Variants in ARG2 observed in about 807,000 individuals in gnomAD.
ARG2 encodes arginase-2, mitochondrial.
In ARG2, 21 loss-of-function variants were observed where a neutral mutation model predicts 39.4. The ratio of observed to expected loss-of-function variants is 0.53; its 90% CI spans 0.38 to 0.77. The LOEUF (loss-of-function observed/expected upper bound fraction) is 0.77. Among genes scored for constraint, ARG2 ranks in the 30% least tolerant of loss-of-function variants. The pLI, the probability that ARG2 is intolerant of heterozygous loss-of-function variation, is 0.00. For missense variants in ARG2, 378 were observed against 426.2 expected (o/e 0.89, Z 1.00); for synonymous variants, 150 against 156.7 (o/e 0.96, Z 0.32).
intron 2 of ARG2, among the ~76,000 whole-genome samples, chr14:67,639,937 A>AAG (rs2037013069): frequency 6.6e-6 from 1 of 151,014 alleles, no homozygotes; most frequent in Admixed American, 6.6e-5. Context: ...AAAAAAAAAA[A>AAG]AAAAAAAAAA....
chr14:67,645,323 T>C (rs961953192), intron 3 of ARG2, among the ~76,000 whole-genome samples: 2 of 152,176 alleles, frequency 1.3e-5, no homozygotes, highest in African/African-American at 4.8e-5. Flanking sequence ...TTAACTTGAT[T>C]TCATTCATTG....
chr14:67,637,505 T>TAA (rs751382604), intron 2 of ARG2, among the ~76,000 whole-genome samples: 1 of 150,400 alleles, frequency 6.6e-6, no homozygotes, highest in Non-Finnish European at 1.5e-5. Flanking sequence ...TCACTCCTCT[T>TAA]AAAAAAAAAC....
chr14:67,641,729 C>G (rs1018669182), intron 2 of ARG2, among the ~76,000 whole-genome samples: 2 of 152,100 alleles, frequency 1.3e-5, no homozygotes, highest in African/African-American at 4.8e-5. Context: ...CAGTTGAGGT[C>G]AGAAGTTTGA....
intron 3 of ARG2, among the ~76,000 whole-genome samples, chr14:67,645,439 C>A (rs2037085097): frequency 6.6e-6 from 1 of 152,152 alleles, no homozygotes; most frequent in Non-Finnish European, 1.5e-5. Flanking sequence ...TAGCAAGTCA[C>A]CAGCTTCGAA....
chr14:67,627,490 C>T (rs2036880247), intron 2 of ARG2, among the ~76,000 whole-genome samples: 1 of 152,068 alleles, frequency 6.6e-6, no homozygotes, highest in Non-Finnish European at 1.5e-5. Flanking sequence ...ATGAAACTGG[C>T]ATCTCTGAGG....
chr14:67,626,808 A>C (rs2036871257), intron 2 of ARG2, among the ~76,000 whole-genome samples: 2 of 152,224 alleles, frequency 1.3e-5, no homozygotes, highest in Non-Finnish European at 2.9e-5. Context: ...ATAATGGTCA[A>C]CATGTGGAAA....
rs182319313 is a variant in ARG2 at position 67,647,259 on chromosome 14, A to G, written c.722+234A>G. ...TCTTCTGTCTCATGAATTTTTCTTT[A>G]TCTCCATCTTTAATGCTTATCTTCT... On this transcript the variant is annotated intron_variant, in intron 6 of 7. Transcript: ENST00000261783. The G allele has an allele frequency of 1.6e-5, 7 of 431,302 alleles. No homozygotes were observed. The East Asian group carries it at 2.7e-4, about 17-fold the overall frequency. 26.7% of individuals were successfully genotyped at this position (431,302 alleles called of 1,614,324 possible).
intron 2 of ARG2, among the ~76,000 whole-genome samples, chr14:67,627,280 T>TAC (rs1197016977): frequency 3.4e-5 from 5 of 148,858 alleles, no homozygotes; most frequent in Non-Finnish European, 7.4e-5. Flanking sequence ...TATATATATA[T>TAC]ATCTGAAACT....
chr14:67,630,017 A>C (rs145513102), intron 2 of ARG2, among the ~76,000 whole-genome samples: 53 of 152,284 alleles, frequency 3.5e-4, no homozygotes, highest in African/African-American at 1.2e-3. Flanking sequence ...CCTCGTTCTC[A>C]GTGTCTTCCT....
intron 3 of ARG2, among the ~76,000 whole-genome samples, chr14:67,642,748 C>T (rs756049693): frequency 7.1e-6 from 1 of 141,704 alleles, no homozygotes; most frequent in South Asian, 2.2e-4. Context: ...AGCATTTCTG[C>T]TAATAGACCT....
chr14:67,646,847 C>G (rs2037105296), intron 5 of ARG2, 74 bp from the exon 6 acceptor site: 1 of 1,376,998 alleles, frequency 7.3e-7, no homozygotes, highest in South Asian at 1.2e-5. Flanking sequence ...AACAAACCCA[C>G]CCTCTCCCCC....
intron 2 of ARG2, among the ~76,000 whole-genome samples, chr14:67,641,569 G>C (rs1315697856): frequency 6.6e-6 from 1 of 152,216 alleles, no homozygotes; most frequent in Non-Finnish European, 1.5e-5. Context: ...CAATGCCTGG[G>C]ATCTTGTAAA....
intron 2 of ARG2, among the ~76,000 whole-genome samples, chr14:67,621,330 T>G (rs2036808543): frequency 6.6e-6 from 1 of 152,200 alleles, no homozygotes; most frequent in South Asian, 2.1e-4. Context: ...CTCGCCAGTT[T>G]TCTGTCTTCA....
chr14:67,635,291 T>C (rs888699127), intron 2 of ARG2, among the ~76,000 whole-genome samples: 1 of 152,172 alleles, frequency 6.6e-6, no homozygotes, highest in African/African-American at 2.4e-5. Flanking sequence ...GGGAGTTAAA[T>C]GCACCAAATA....
chr14:67,648,085 C>T lies in ARG2; in HGVS notation c.761C>T (p.Ala254Val), dbSNP rs987766282. ...RPIHLSFDID[A>V]FDPTLAPATG... Reference sequence around the variant, plus strand: ...ATCCATTTGAGTTTTGATATTGATGCATTTGACCCTACACTGGCTCCAGCC... The same window carrying T: ...ATCCATTTGAGTTTTGATATTGATGTATTTGACCCTACACTGGCTCCAGCC... The change falls in exon 7 of 8, where the codon GCA becomes GTA. Residue 254 changes from alanine to valine, a missense_variant. Transcript: ENST00000261783. The T allele has an allele frequency of 2.5e-6, 4 of 1,613,714 alleles. No homozygotes were observed. The highest frequency in any genetic ancestry group is 2.5e-6 in the Non-Finnish European group (3 of 1,179,746).
chr14:67,626,858 C>A (rs965314533), intron 2 of ARG2, among the ~76,000 whole-genome samples: 9 of 152,140 alleles, frequency 5.9e-5, no homozygotes, highest in Non-Finnish European at 8.8e-5. Flanking sequence ...GAAAATTTGA[C>A]ATATCCATAT....
chr14:67,641,975 T>C (rs2037036308), intron 2 of ARG2, among the ~76,000 whole-genome samples: 1 of 152,230 alleles, frequency 6.6e-6, no homozygotes, highest in Non-Finnish European at 1.5e-5. Flanking sequence ...GTTAAGTCAA[T>C]CGATATCTCT....
At chr14:67,640,212 C>G (rs1201330672) in intron 2 of ARG2, among the ~76,000 whole-genome samples, 1 of 151,794 alleles carries the variant, frequency 6.6e-6, no homozygotes, top group African/African-American at 2.4e-5. Context: ...CTCCTCCTAC[C>G]CCTGCTCTGC....
chr14:67,646,795 T>C, intron 5 of ARG2, 57 bp downstream of exon 5: 1 of 1,497,152 alleles, frequency 6.7e-7, no homozygotes, highest in Non-Finnish European at 9.3e-7. Context: ...TATGTTCTAT[T>C]TGAAAGGCTG....
Sources: allele counts gnomAD v4.1 joint callset (sites outside exome capture counted in the v4.1 genomes callset), GRCh38; gene constraint gnomAD v4.1.1; transcripts MANE v1.5; gene names NCBI Gene and HGNC (gene_info 2026-07-23, HGNC 2026-07-21).